Variants in WDFY4 observed in about 807,000 individuals in gnomAD.
The protein encoded by WDFY4 is WDFY family member 4.
Under a neutral mutation model 351.9 loss-of-function variants are expected in WDFY4, and 169 were observed. The ratio of observed to expected loss-of-function variants is 0.48; its 90% CI spans 0.42 to 0.55. WDFY4 has a LOEUF of 0.55. WDFY4 is among the 20% of genes least tolerant of loss of function. The pLI, the probability that WDFY4 is intolerant of heterozygous loss-of-function variation, is 0.00. For missense variants in WDFY4, 3,803 were observed against 3,935.6 expected (o/e 0.97, Z 0.90); for synonymous variants, 1,622 against 1,574.6 (o/e 1.03, Z -0.71).
intron 58 of WDFY4, chr10:48,975,250 T>C (rs941698803): frequency 2.8e-6 from 2 of 703,720 alleles, no homozygotes; most frequent in Middle Eastern, 4.0e-4. Context: ...CCCTCTGGTG[T>C]TGGGGACAGT....
At position 48,774,637 on chromosome 10, in the gene WDFY4, G is replaced by C; in HGVS notation, c.2733G>C (p.Lys911Asn). Residue 911 changes from lysine (K) to asparagine (N), a missense_variant, in exon 14 of 62, where the codon AAG (lysine) becomes AAC (asparagine). By Grantham distance (94) the Lys-to-Asn change is moderately conservative. Transcript: ENST00000325239. ...LHSRLIRIFE[K>N]LASQAIEPDV... ...CACGCCTCATCAGGATCTTTGAGAAGCTCGCTTCCCAGGCCATTGAACCGG... is the reference window on the plus strand; with the variant it reads ...CACGCCTCATCAGGATCTTTGAGAACCTCGCTTCCCAGGCCATTGAACCGG... 1 of 1,551,784 alleles carries C rather than the reference G, an allele frequency of 6.4e-7. No individual in the cohort carries two copies. Among genetic ancestry groups the C allele is most frequent in the Non-Finnish European group, 8.7e-7 (1 of 1,147,010 alleles).
At chr10:48,806,942 C>T (rs1208093453) in intron 27 of WDFY4, among the ~76,000 whole-genome samples, 2 of 152,200 alleles carry the variant, frequency 1.3e-5, no homozygotes, top group Non-Finnish European at 2.9e-5. Context: ...ACAGTTTTAT[C>T]ATCACAAAAG....
At chr10:48,811,510 C>T in intron 29 of WDFY4, 29 bp from the exon 30 acceptor site, 1 of 1,549,242 alleles carries the variant, frequency 6.5e-7, no homozygotes. Context: ...TCTCAGCTGA[C>T]TTTTGTGCCC....
intron 12 of WDFY4, among the ~76,000 whole-genome samples, chr10:48,747,285 G>A (rs2065042948): frequency 6.6e-6 from 1 of 152,016 alleles, no homozygotes; most frequent in Non-Finnish European, 1.5e-5. Flanking sequence ...TCGCTTTTAA[G>A]ATCTTCACCA....
At chr10:48,874,629 A>G (rs1399922275) in intron 41 of WDFY4, among the ~76,000 whole-genome samples, 3 of 152,146 alleles carry the variant, frequency 2.0e-5, no homozygotes, top group Admixed American at 6.5e-5. Context: ...CCCTCACTAC[A>G]TTTTTTAGGA....
At chr10:48,959,882 T>C (rs751702138) in intron 53 of WDFY4, 69 bp downstream of exon 53, 3 of 1,431,098 alleles carry the variant, frequency 2.1e-6, no homozygotes, top group Non-Finnish European at 2.9e-6. Context: ...CACCGAGGCT[T>C]TCTGTCCAAG....
intron 47 of WDFY4, among the ~76,000 whole-genome samples, chr10:48,931,117 AC>A (rs1839976849): frequency 6.6e-6 from 1 of 151,540 alleles, no homozygotes; most frequent in African/African-American, 2.4e-5. Context: ...ACACACACAC[AC>A]ACACACACAC....
At chr10:48,896,925 C>G (rs1395007935) in intron 44 of WDFY4, among the ~76,000 whole-genome samples, 1 of 152,048 alleles carries the variant, frequency 6.6e-6, no homozygotes, top group South Asian at 2.1e-4. Flanking sequence ...GTGTGTGGCA[C>G]GGCAGGTATC....
At chr10:48,797,665 A>G (rs2066920179) in intron 24 of WDFY4, among the ~76,000 whole-genome samples, 3 of 152,180 alleles carry the variant, frequency 2.0e-5, no homozygotes, top group Admixed American at 6.5e-5. Flanking sequence ...TGGTTTCTTC[A>G]TCATTTCTCT....
intron 32 of WDFY4, among the ~76,000 whole-genome samples, chr10:48,819,017 C>T (rs989396610): frequency 3.9e-5 from 6 of 152,196 alleles, no homozygotes; most frequent in African/African-American, 1.4e-4. Flanking sequence ...AGCCCCCATG[C>T]CCAAGGGCCA....
Position 48,787,945 on chromosome 10 carries a change from CTTCTTCTTCTT to C in WDFY4, c.3809-584_3809-574del, listed in dbSNP as rs2066525423. ...TCTTCTTCTTCTTCTTCTTCTTCTTCTTCTTCTTCTTCTTCTTCTTCTTCTTCTTCTTCTTC... is the reference window on the plus strand; with the variant it reads ...TCTTCTTCTTCTTCTTCTTCTTCTTCCTTCTTCTTCTTCTTCTTCTTCTTC... On this transcript the variant is annotated intron_variant, in intron 20 of 61. Transcript: ENST00000325239. 2.9e-5 allele frequency among the ~76,000 whole-genome samples: 3 copies of C among 103,994 alleles called. 1 individual carries two copies. Among genetic ancestry groups the C allele is most frequent in the South Asian group, 7.1e-4 (2 of 2,816 alleles). The allele number at this position is 103,994 out of a possible 152,430, so 68.2% of individuals were successfully genotyped here. A position where few individuals can be genotyped will look rare whatever the true frequency, so the allele number is the denominator to read the frequency against.
At chr10:48,914,855 T>A (rs553697619) in intron 47 of WDFY4, among the ~76,000 whole-genome samples, 7 of 152,264 alleles carry the variant, frequency 4.6e-5, no homozygotes, top group African/African-American at 1.7e-4. Flanking sequence ...TAACTCCCCA[T>A]CATGAGCACA....
rs963238257 is a variant in WDFY4 at position 48,897,358 on chromosome 10, G to A, written c.7317-96G>A. On this transcript the variant is annotated intron_variant, in intron 44 of 61. Transcript: ENST00000325239. ...TTCTCTGATGTGTCATTGGAAATGTGGGTGGAGCTGGTGGAGGGCAGGAAG... is the reference window on the plus strand; with the variant it reads ...TTCTCTGATGTGTCATTGGAAATGTAGGTGGAGCTGGTGGAGGGCAGGAAG... 1.3e-5 allele frequency: 19 copies of A among 1,475,966 alleles called. No homozygotes were observed. In the South Asian group the frequency reaches 1.8e-4, roughly 14 times the overall value. 91.4% of individuals were successfully genotyped at this position (1,475,966 alleles called of 1,614,324 possible). A position where few individuals can be genotyped will look rare whatever the true frequency, so the allele number is the denominator to read the frequency against.
chr10:48,967,984 C>T (rs1842160689), intron 55 of WDFY4: 1 of 152,242 alleles, frequency 6.6e-6, no homozygotes. Flanking sequence ...CATTGAAGTC[C>T]CTGGGCAGTC....
chr10:48,864,697 A>G (rs1026784091), intron 39 of WDFY4, among the ~76,000 whole-genome samples: 8 of 152,288 alleles, frequency 5.3e-5, no homozygotes, highest in Middle Eastern at 3.4e-3. Context: ...ACAATATAAG[A>G]ACTTGTTACC....
Position 48,820,222 on chromosome 10 carries a change from C to T in WDFY4, c.5506-12C>T. 2 of 1,551,526 alleles carry T rather than the reference C, an allele frequency of 1.3e-6. No homozygotes were observed. Among genetic ancestry groups the T allele is most frequent in the Non-Finnish European group, 1.7e-6 (2 of 1,146,936 alleles). On this transcript the variant is annotated splice_polypyrimidine_tract_variant and intron_variant, in intron 32 of 61. Coordinates refer to ENST00000325239, the MANE Select transcript of WDFY4 (RefSeq NM_001394531.1). Reference sequence around the variant, plus strand: ...GGCAGGCCACTCATGTTGGGGTTCTCTTGTCTTTGAGGGGGTTGGGGCTGA... The same window carrying T: ...GGCAGGCCACTCATGTTGGGGTTCTTTTGTCTTTGAGGGGGTTGGGGCTGA...
chr10:48,974,229 G>T (rs139084333), intron 57 of WDFY4, among the ~76,000 whole-genome samples: 13 of 152,166 alleles, frequency 8.5e-5, no homozygotes, highest in African/African-American at 3.1e-4. Flanking sequence ...CTGGCCAGGT[G>T]TGATGGCTCA....
Position 48,805,364 on chromosome 10 carries a change from T to C in WDFY4, c.4589T>C (p.Ile1530Thr), listed in dbSNP as rs775823417. 6.5e-7 allele frequency: 1 copy of C among 1,549,604 alleles called. No individual in the cohort carries two copies. Among genetic ancestry groups the C allele is most frequent in the South Asian group, 1.2e-5 (1 of 84,058 alleles). Residue 1530 changes from isoleucine (I) to threonine (T), a missense_variant, in exon 26 of 62, where the codon ATC becomes ACC. Around this residue, in one of 3 missense-constraint regions of WDFY4, gnomAD observed 3,054 missense variants for 3,148.6 expected, o/e 0.97. Coordinates refer to ENST00000325239, the MANE Select transcript of WDFY4 (RefSeq NM_001394531.1). ...PSLIPSKISTIIGILACQLRG... is the reference protein window; with the variant it reads ...PSLIPSKISTTIGILACQLRG... The stretch of plus-strand genomic sequence containing the variant: ...CTCATCCCCTCCAAGATCTCCACCA[T>C]CATTGGCATCCTGGCCTGTCAGCTG...
intron 20 of WDFY4, among the ~76,000 whole-genome samples, chr10:48,787,620 C>T (rs1489236987): frequency 6.6e-6 from 1 of 152,150 alleles, no homozygotes; most frequent in Non-Finnish European, 1.5e-5. Flanking sequence ...TCAGATCAGC[C>T]TATTTCAAGT....
Sources: allele counts gnomAD v4.1 joint callset (sites outside exome capture counted in the v4.1 genomes callset), GRCh38; gene constraint gnomAD v4.1.1; regional missense constraint gnomAD v4.1.1; transcripts MANE v1.5; gene names NCBI Gene and HGNC (gene_info 2026-07-23, HGNC 2026-07-21).